RERGL: variants seen among roughly 807,000 people sequenced by gnomAD.
The protein encoded by RERGL is RERG like, also known as ras-related and estrogen-regulated growth inhibitor-like protein.
Under a neutral mutation model 24.7 loss-of-function variants are expected in RERGL, and 22 were observed. That is an observed-to-expected ratio of 0.89 (90% confidence interval 0.64 to 1.27). The LOEUF (loss-of-function observed/expected upper bound fraction) is 1.27. RERGL is among the 50% of genes most tolerant of loss of function. The pLI is 0.00. For synonymous variants in RERGL, 76 were observed against 82.6 expected, an observed-to-expected ratio of 0.92 and a Z score of 0.43; for missense variants, 259 against 235.3, an observed-to-expected ratio of 1.10 and a Z score of -0.66.
chr12:18,084,305 G>A (rs994222785), intron 4 of RERGL, among the ~76,000 whole-genome samples: 1 of 152,030 alleles, frequency 6.6e-6, no homozygotes. Flanking sequence ...CCATTTACTC[G>A]GGGCAAGTAA....
intron 2 of RERGL, among the ~76,000 whole-genome samples, chr12:18,088,160 T>C (rs1481740228): frequency 6.6e-6 from 1 of 152,084 alleles, no homozygotes; most frequent in Non-Finnish European, 1.5e-5. Context: ...TAATCTGCCA[T>C]TCTTATTTTT....
At position 18,081,302 on chromosome 12, in the gene RERGL, G is replaced by A. The variant is rs769360835; in HGVS notation, c.504C>T (p.Ile168=). ...GTTTGAAGTTTATCAGGATGTCCTTGATAATTCTGATAAACATCATTTCCA... is the reference window on the plus strand; with the variant it reads ...GTTTGAAGTTTATCAGGATGTCCTTAATAATTCTGATAAACATCATTTCCA... ...LEVEMMFIRI[I]KDILINFKLK... Residue 168 remains isoleucine, a synonymous_variant, in exon 5 of 5, where the codon ATC becomes ATT. Transcript: ENST00000538724. 2.5e-6 allele frequency: 4 copies of A among 1,614,066 alleles called. No individual in the cohort carries two copies. In the South Asian group the frequency reaches 3.3e-5, roughly 13 times the overall value.
chr12:18,081,186 G>A lies in RERGL; in HGVS notation c.*5C>T. ...TATAGGAAATCTCCCAGGATTACCT[G>A]TCTACTAAACAGATTTCCTTCTCTT... On this transcript the variant is annotated 3_prime_UTR_variant, in exon 5 of 5. Transcript: ENST00000538724. 1 of 1,592,194 alleles carries A rather than the reference G, an allele frequency of 6.3e-7. No individual in the cohort carries two copies. Among genetic ancestry groups the A allele is most frequent in the Non-Finnish European group, 8.6e-7 (1 of 1,163,770 alleles).
chr12:18,082,883 T>A (rs1034379344), intron 4 of RERGL, among the ~76,000 whole-genome samples: 1 of 152,216 alleles, frequency 6.6e-6, no homozygotes, highest in African/African-American at 2.4e-5. Flanking sequence ...AATATCAGTA[T>A]GTCTTCCTTG....
chr12:18,082,180 C>T (rs548022818), intron 4 of RERGL, among the ~76,000 whole-genome samples: 9 of 150,152 alleles, frequency 6.0e-5, no homozygotes, highest in South Asian at 2.1e-4. Flanking sequence ...ATGCCCTTTG[C>T]GGGGACATGG....
intron 3 of RERGL, 107 bp from the exon 4 acceptor site, chr12:18,084,772 T>C: frequency 1.2e-6 from 1 of 811,092 alleles, no homozygotes; most frequent in Non-Finnish European, 1.9e-6. Context: ...GATACATCAA[T>C]GTGTTAAATA....
chr12:18,087,899 CA>C (rs1414220997), intron 2 of RERGL, among the ~76,000 whole-genome samples: 1 of 152,136 alleles, frequency 6.6e-6, no homozygotes, highest in East Asian at 1.9e-4. Flanking sequence ...AATCAGCTTT[CA>C]AGCTCTTGCC....
chr12:18,081,499 G>A (rs1406119343), intron 4 of RERGL, 26 bp from the exon 5 acceptor site: 49 of 1,399,858 alleles, frequency 3.5e-5, no homozygotes, highest in South Asian at 1.5e-4. Context: ...ACAATTTTTA[G>A]CAAGATTGTT....
rs189382441 is a variant in RERGL at position 18,081,273 on chromosome 12, T to C, written c.533A>G (p.Lys178Arg). 1.2e-6 allele frequency: 2 copies of C among 1,614,140 alleles called. No homozygotes were observed. Among genetic ancestry groups the C allele is most frequent in the African/African-American group, 1.3e-5 (1 of 75,054 alleles). The change falls in exon 5 of 5, where the codon AAA becomes AGA. Residue 178 changes from lysine (K) to arginine (R), a missense_variant. Coordinates refer to ENST00000538724, the MANE Select transcript of RERGL (RefSeq NM_001286201.2). ...IKDILINFKL[K>R]EKRRPSGSKS... ...AGATCCACTGGGACGTCTCTTTTCT[T>C]TGAGTTTGAAGTTTATCAGGATGTC...
chr12:18,084,480 C>T, intron 4 of RERGL, 37 bp downstream of exon 4: 2 of 1,565,690 alleles, frequency 1.3e-6, no homozygotes, highest in Non-Finnish European at 1.7e-6. Context: ...TGATGATTTA[C>T]TAAAAAGAAA....
rs562425789 is a variant in RERGL, at chr12:18,081,104, A to C, written c.*87T>G. On this transcript the variant is annotated 3_prime_UTR_variant, in exon 5 of 5. Transcript: ENST00000538724. ...CTCCAAGAGAATTCTTTTTACCAAAAAAAAATTGCATACAAAGGTTAGTTT... is the reference window on the plus strand; with the variant it reads ...CTCCAAGAGAATTCTTTTTACCAAACAAAAATTGCATACAAAGGTTAGTTT... 8.0e-7 allele frequency: 1 copy of C among 1,257,602 alleles called. No homozygotes were observed. Among genetic ancestry groups the C allele is most frequent in the East Asian group, 2.4e-5 (1 of 41,522 alleles). The allele number at this position is 1,257,602 out of a possible 1,614,324, so 77.9% of individuals were successfully genotyped here. A position where few individuals can be genotyped will look rare whatever the true frequency, so the allele number is the denominator to read the frequency against.
At chr12:18,089,276 T>C (rs1311708694) in intron 1 of RERGL, 2 of 1,606,300 alleles carry the variant, frequency 1.2e-6, no homozygotes, top group South Asian at 2.2e-5. Flanking sequence ...ATGCAAGAAG[T>C]TTGACATCTG....
Position 18,085,649 on chromosome 12 carries a change from T to C in RERGL, c.154A>G (p.Asn52Asp). The C allele has an allele frequency of 1.3e-6, 2 of 1,598,584 alleles. No individual in the cohort carries two copies. The highest frequency in any genetic ancestry group is 1.7e-6 in the Non-Finnish European group (2 of 1,169,204). ...KHLCLERKQL[N>D]LEIYDPCSQT... ...GAACAAGGGTCATATATTTCTAGAT[T>C]TAGTTGTTTCCTTTCCAAACACAAG... The change falls in exon 3 of 5, where the codon AAT becomes GAT. Residue 52 changes from asparagine (N) to aspartate (D), a missense_variant. Physicochemically the swap from Asn to Asp is conservative, Grantham distance 23 (BLOSUM62 1). Coordinates refer to ENST00000538724, the MANE Select transcript of RERGL (RefSeq NM_001286201.2).
At chr12:18,088,367 A>G (rs1236536739) in intron 2 of RERGL, among the ~76,000 whole-genome samples, 1 of 152,098 alleles carries the variant, frequency 6.6e-6, no homozygotes, top group Non-Finnish European at 1.5e-5. Context: ...AGTTCGAGAA[A>G]TAATCTTAAA....
In RERGL at chr12:18,085,696, G is replaced by T; in HGVS notation, c.110-3C>A. 6.6e-7 allele frequency: 1 copy of T among 1,520,666 alleles called. No individual in the cohort carries two copies. The highest frequency in any genetic ancestry group is 2.3e-5 in the East Asian group (1 of 44,032). The allele number at this position is 1,520,666 out of a possible 1,614,324, so 94.2% of individuals were successfully genotyped here. A position where few individuals can be genotyped will look rare whatever the true frequency, so the allele number is the denominator to read the frequency against. ...CAAGTGCTTCTTATAGATAGATTCTGCAAAAATATGCATATCCACTGTCAG... is the reference window on the plus strand; with the variant it reads ...CAAGTGCTTCTTATAGATAGATTCTTCAAAAATATGCATATCCACTGTCAG... On this transcript the variant is annotated splice_region_variant and splice_polypyrimidine_tract_variant and intron_variant, in intron 2 of 4. Coordinates refer to ENST00000538724, the MANE Select transcript of RERGL (RefSeq NM_001286201.2).
chr12:18,084,575 CA>C lies in RERGL; in HGVS notation c.273del (p.Phe91LeufsTer7). ...CTGTAGATCAGCGCTTTTGCAAAAG[CA>C]AATGAAGACCTATCACTGATGTCAT... Reference protein sequence around the residue: ...IVYDISDRSSFAFAKALIYRI... With the variant: ...IVYDISDRSSXAFAKALIYRI... On this transcript the variant is annotated frameshift_variant, in exon 4 of 5. Transcript: ENST00000538724. LOFTEE classifies it high-confidence loss of function. 1 of 1,612,678 alleles carries C rather than the reference CA, an allele frequency of 6.2e-7. No homozygotes were observed. Among genetic ancestry groups the C allele is most frequent in the Non-Finnish European group, 8.5e-7 (1 of 1,179,416 alleles).
chr12:18,085,767 T>TACGA, intron 2 of RERGL, 74 bp from the exon 3 acceptor site: 1 of 805,968 alleles, frequency 1.2e-6, no homozygotes, highest in South Asian at 1.5e-5. Context: ...ACCACTCACA[T>TACGA]TTTAGTGGAA....
intron 2 of RERGL, 46 bp downstream of exon 2, chr12:18,088,854 C>T (rs754890129): frequency 2.1e-5 from 25 of 1,164,808 alleles, no homozygotes; most frequent in South Asian, 4.9e-5. Flanking sequence ...GATTTAATTA[C>T]GATGTTAAAA....
Position 18,088,881 on chromosome 12 carries a change from GT to G in RERGL, c.109+18del. 6.6e-7 allele frequency: 1 copy of G among 1,508,088 alleles called. No homozygotes were observed. 93.4% of individuals were successfully genotyped at this position (1,508,088 alleles called of 1,614,324 possible). A position where few individuals can be genotyped will look rare whatever the true frequency, so the allele number is the denominator to read the frequency against. ...ATGTTAAAAGTTTTAAGGTAAAAAT[GT>G]CTAGAGTAGTGACTTACCAAAATTA... On this transcript the variant is annotated intron_variant, in intron 2 of 4. Coordinates refer to ENST00000538724, the MANE Select transcript of RERGL (RefSeq NM_001286201.2).
Sources: gnomAD v4.1 joint callset for allele counts (sites outside exome capture counted in the v4.1 genomes callset) on GRCh38, gnomAD v4.1.1 for gene constraint, MANE v1.5 for transcripts, NCBI Gene and HGNC (gene_info 2026-07-23, HGNC 2026-07-21) for gene names.